Variants in NSDHL observed in about 807,000 individuals in gnomAD.
NSDHL encodes NAD(P) dependent 3-beta-hydroxysteroid dehydrogenase NSDHL.
Under a neutral mutation model 23.0 loss-of-function variants are expected in NSDHL, and 1 was observed. The ratio of observed to expected loss-of-function variants is 0.04; its 90% CI spans 0.02 to 0.21. The LOEUF (loss-of-function observed/expected upper bound fraction) is 0.21. Ranked by LOEUF, NSDHL falls within the 10% of genes least tolerant of loss-of-function variation. NSDHL has a pLI of 1.00. For missense variants in NSDHL, 237 were observed against 300.9 expected, an observed-to-expected ratio of 0.79 and a Z score of 1.57; for synonymous variants, 128 against 121.1, an observed-to-expected ratio of 1.06 and a Z score of -0.37.
intron 1 of NSDHL, among the ~76,000 whole-genome samples, chrX:152,845,044 A>C (rs782493982): frequency 8.0e-5 from 9 of 112,155 alleles, no homozygotes; most frequent in Non-Finnish European, 1.7e-4. Context: ...ATGCATTCTA[A>C]AAATGGCCAT....
chrX:152,869,422 TTCCAGTG>T lies in NSDHL; in HGVS notation c.*310_*316del, dbSNP rs1569475685. The T allele has an allele frequency of 5.9e-6, 2 of 336,708 alleles. No homozygotes were observed. The highest frequency in any genetic ancestry group is 5.3e-5 in the African/African-American group (2 of 37,868). The allele number at this position is 336,708 out of a possible 1,213,427, so 27.7% of individuals were successfully genotyped here. On this transcript the variant is annotated 3_prime_UTR_variant, in exon 8 of 8. Transcript: ENST00000370274. ...CCCCTCTTCTGGTTTATACATTTCA[TTCCAGTG>T]TCCTTGTACATAATCAAGGAAGCTG...
chrX:152,845,858 G>T (rs1193226542), intron 1 of NSDHL, among the ~76,000 whole-genome samples: 1 of 112,288 alleles, frequency 8.9e-6, no homozygotes, highest in Admixed American at 9.4e-5. Flanking sequence ...GAGCAATTCC[G>T]TACAGTTCGT....
intron 5 of NSDHL, among the ~76,000 whole-genome samples, chrX:152,863,009 A>G: frequency 9.0e-6 from 1 of 110,853 alleles, no homozygotes; most frequent in East Asian, 2.9e-4. Flanking sequence ...TAAAAATACA[A>G]AAATTAGCCC....
chrX:152,832,568 T>C (rs1933030665), intron 1 of NSDHL, among the ~76,000 whole-genome samples: 1 of 112,051 alleles, frequency 8.9e-6, no homozygotes, highest in Non-Finnish European at 1.9e-5. Context: ...AAGGGCTCCT[T>C]AGCCTGGCCT....
chrX:152,857,206 A>G (rs940087332), intron 3 of NSDHL, among the ~76,000 whole-genome samples: 1 of 112,788 alleles, frequency 8.9e-6, no homozygotes, highest in Admixed American at 9.3e-5. Context: ...TATACCCAGT[A>G]CATTGATTAT....
In NSDHL at chrX:152,868,874, C is replaced by T. The variant is rs370277218; in HGVS notation, c.880C>T (p.His294Tyr). 1.4e-5 allele frequency: 17 copies of T among 1,209,303 alleles called. No individual in the cohort carries two copies. In the African/African-American group the frequency reaches 2.4e-4, roughly 17 times the overall value. Reference protein sequence around the residue: ...TGLNYEAPKYHIPYWVAYYLA... With the variant: ...TGLNYEAPKYYIPYWVAYYLA... ...CCTCAATTATGAGGCCCCCAAGTAC[C>T]ACATCCCCTACTGGGTGGCCTACTA... Residue 294 changes from histidine (H) to tyrosine (Y), a missense_variant, in exon 8 of 8, where the codon CAC becomes TAC. By Grantham distance (83) the His-to-Tyr change is moderately conservative (BLOSUM62 2). Around this residue, in one of 3 missense-constraint regions of NSDHL, gnomAD observed 117 missense variants for 99.5 expected, o/e 1.18. Transcript: ENST00000370274.
Position 152,845,542 on chromosome X carries a change from G to A in NSDHL, c.-43-740G>A, listed in dbSNP as rs1171650902. Among the ~76,000 whole-genome samples the A allele has an allele frequency of 3.6e-5, 4 of 111,513 alleles. No individual in the cohort carries two copies. In the East Asian group the frequency reaches 1.1e-3, roughly 31 times the overall value. ...TGAGGAGAGGAGCACCCTAAGGGCT[G>A]TCACTAAAGCCATACTCCTCTGTTT... On this transcript the variant is annotated intron_variant, in intron 1 of 7. Coordinates refer to ENST00000370274, the MANE Select transcript of NSDHL (RefSeq NM_015922.3).
At chrX:152,834,181 C>A (rs1933056943) in intron 1 of NSDHL, among the ~76,000 whole-genome samples, 1 of 111,976 alleles carries the variant, frequency 8.9e-6, no homozygotes, top group South Asian at 3.7e-4. Context: ...ACTCACCTTC[C>A]CTGGGGAGGG....
At position 152,869,431 on chromosome X, in the gene NSDHL, C is replaced by T; in HGVS notation, c.*315C>T. 6.1e-6 allele frequency: 2 copies of T among 326,529 alleles called. No individual in the cohort carries two copies. Among genetic ancestry groups the T allele is most frequent in the East Asian group, 6.2e-5 (1 of 16,200 alleles). The allele number at this position is 326,529 out of a possible 1,213,427, so 26.9% of individuals were successfully genotyped here. A position where few individuals can be genotyped will look rare whatever the true frequency, so the allele number is the denominator to read the frequency against. On this transcript the variant is annotated 3_prime_UTR_variant, in exon 8 of 8. Transcript: ENST00000370274. ...TGGTTTATACATTTCATTCCAGTGT[C>T]CTTGTACATAATCAAGGAAGCTGTA...
In NSDHL at chrX:152,837,989, G is replaced by A. The variant is rs1394929174; in HGVS notation, c.-44+6872G>A. 5.4e-5 allele frequency among the ~76,000 whole-genome samples: 6 copies of A among 111,773 alleles called. No homozygotes were observed. The South Asian group carries it at 1.1e-3, about 21-fold the overall frequency. On this transcript the variant is annotated intron_variant, in intron 1 of 7. Transcript: ENST00000370274. ...CAATTTCAGAGCCTGTTATTGGTCT[G>A]TTCAGGGATTCAACTTCTTCCTGGT... is the stretch of plus-strand genomic sequence containing the variant.
At chrX:152,847,289 C>T (rs781909238) in intron 2 of NSDHL, among the ~76,000 whole-genome samples, 13 of 111,975 alleles carry the variant, frequency 1.2e-4, no homozygotes, top group South Asian at 3.7e-4. Flanking sequence ...GGCGACAGAG[C>T]GAGACTCTGT....
chrX:152,838,650 T>C (rs183501872), intron 1 of NSDHL, among the ~76,000 whole-genome samples: 45 of 112,515 alleles, frequency 4.0e-4, no homozygotes, highest in African/African-American at 1.4e-3. Flanking sequence ...TTGATTGCCC[T>C]GTGTCTGAGA....
chrX:152,841,816 A>G (rs997362547), intron 1 of NSDHL, among the ~76,000 whole-genome samples: 1 of 111,867 alleles, frequency 8.9e-6, no homozygotes, highest in Non-Finnish European at 1.9e-5. Context: ...AAAATGTACC[A>G]TCTTCACCAT....
At chrX:152,832,179 C>G (rs186046842) in intron 1 of NSDHL, among the ~76,000 whole-genome samples, 14 of 112,074 alleles carry the variant, frequency 1.2e-4, no homozygotes, top group African/African-American at 1.9e-4. Flanking sequence ...CAGTTGTCCT[C>G]TCCGCCTGCC....
intron 2 of NSDHL, among the ~76,000 whole-genome samples, chrX:152,847,393 C>A (rs1408530276): frequency 8.9e-6 from 1 of 112,015 alleles, no homozygotes; most frequent in Non-Finnish European, 1.9e-5. Context: ...TTCAAGATCC[C>A]TAAGAGGTTA....
intron 1 of NSDHL, among the ~76,000 whole-genome samples, chrX:152,834,580 T>C (rs782019519): frequency 6.2e-5 from 7 of 112,513 alleles, no homozygotes; most frequent in Non-Finnish European, 1.1e-4. Flanking sequence ...GGAGGCTTTA[T>C]TGTTGTTCCT....
rs982184133 is a variant in NSDHL at position 152,831,073 on chromosome X, G to T, written c.-88G>T. ...CCGGGCCTGGAGTTCAGTGGGTGCAGCCTGCTTGCGAGCTGAGGCCAGACA... is the reference window on the plus strand; with the variant it reads ...CCGGGCCTGGAGTTCAGTGGGTGCATCCTGCTTGCGAGCTGAGGCCAGACA... On this transcript the variant is annotated 5_prime_UTR_variant, in exon 1 of 8. Coordinates refer to ENST00000370274, the MANE Select transcript of NSDHL (RefSeq NM_015922.3). 3.3e-6 allele frequency: 1 copy of T among 306,058 alleles called. No individual in the cohort carries two copies. Among genetic ancestry groups the T allele is most frequent in the East Asian group, 4.7e-5 (1 of 21,055 alleles). 25.2% of individuals were successfully genotyped at this position (306,058 alleles called of 1,213,427 possible).
chrX:152,846,167 G>A (rs1021266185), intron 1 of NSDHL, 115 bp from the exon 2 acceptor site: 2 of 508,548 alleles, frequency 3.9e-6, no homozygotes, highest in Non-Finnish European at 3.6e-6. Context: ...CTGTCGCTAT[G>A]GTTCAGCTAT....
rs1933676622 is a variant in NSDHL at position 152,869,553 on chromosome X, C to T, written c.*437C>T. 1 of 173,572 alleles carries T rather than the reference C, an allele frequency of 5.8e-6. No individual in the cohort carries two copies. Among genetic ancestry groups the T allele is most frequent in the African/African-American group, 2.9e-5 (1 of 34,009 alleles). The allele number at this position is 173,572 out of a possible 1,213,427, so 14.3% of individuals were successfully genotyped here. On this transcript the variant is annotated 3_prime_UTR_variant, in exon 8 of 8. Coordinates refer to ENST00000370274, the MANE Select transcript of NSDHL (RefSeq NM_015922.3). ...CTAGACTTTGTTCAAGATACTCTAT[C>T]TTCAAAATATCCCAGAAGAAAAACA...
Sources: allele counts gnomAD v4.1 joint callset (sites outside exome capture counted in the v4.1 genomes callset), GRCh38; gene constraint gnomAD v4.1.1; regional missense constraint gnomAD v4.1.1; transcripts MANE v1.5; gene names NCBI Gene and HGNC (gene_info 2026-07-23, HGNC 2026-07-21).